The following NT5C2 variants were observed in gnomAD, a reference collection of about 807,000 sequenced individuals.
The protein encoded by NT5C2 is 5'-nucleotidase, cytosolic II, also known as cytosolic purine 5'-nucleotidase.
In NT5C2, 58 loss-of-function variants were observed where a neutral mutation model predicts 76.1. That is an observed-to-expected ratio of 0.76 (90% CI 0.62 to 0.95). The LOEUF (loss-of-function observed/expected upper bound fraction) is 0.95, where lower values mean the gene tolerates loss of function less well. Among genes scored for constraint, NT5C2 ranks in the 40% least tolerant of loss-of-function variants. The probability of loss-of-function intolerance (pLI) is 0.00; values close to 1 mark genes in which losing one functional copy is unlikely to be tolerated. For synonymous variants in NT5C2, 229 were observed against 237.4 expected (o/e 0.96, Z 0.32); for missense variants, 478 against 690.3 (o/e 0.69, Z 3.45).
intron 3 of NT5C2, among the ~76,000 whole-genome samples, chr10:103,159,105 T>C (rs1396360467): frequency 6.6e-6 from 1 of 152,134 alleles, no homozygotes; most frequent in Non-Finnish European, 1.5e-5. Flanking sequence ...CAGTAGCAGA[T>C]GCTTGTAGTT....
chr10:103,132,615 G>A (rs976082413), intron 4 of NT5C2, among the ~76,000 whole-genome samples: 39 of 151,722 alleles, frequency 2.6e-4, no homozygotes, highest in African/African-American at 2.2e-4. Context: ...GCGCGATCTC[G>A]GCTCACTGTA....
In NT5C2 at chr10:103,118,410, G is replaced by A. The variant is rs139888635; in HGVS notation, c.176-11704C>T. ...CTCATTCTGTAGCCCAGGCTGAAGT[G>A]CAGTGGCACAATCTCAGCTCACTGC... On this transcript the variant is annotated intron_variant, in intron 4 of 18. Coordinates refer to ENST00000404739, the MANE Select transcript of NT5C2 (RefSeq NM_001351169.2). Among the ~76,000 whole-genome samples the A allele has an allele frequency of 4.6e-3, 678 of 146,626 alleles. 4 individuals carry two copies. Among genetic ancestry groups the A allele is most frequent in the African/African-American group, 0.016 (651 of 39,574 alleles).
chr10:103,127,050 T>C (rs1267962992), intron 4 of NT5C2, among the ~76,000 whole-genome samples: 1 of 152,198 alleles, frequency 6.6e-6, no homozygotes, highest in Non-Finnish European at 1.5e-5. Context: ...CTTCAAGCAA[T>C]CCACCTGCCT....
chr10:103,092,312 AATT>A (rs1313803976), intron 15 of NT5C2, among the ~76,000 whole-genome samples: 1 of 152,144 alleles, frequency 6.6e-6, no homozygotes, highest in African/African-American at 2.4e-5. Context: ...TAATAGTAAT[AATT>A]TTCTGTGTTT....
At chr10:103,093,816 C>A in intron 14 of NT5C2, 156 bp downstream of exon 14, 1 of 591,272 alleles carries the variant, frequency 1.7e-6, no homozygotes, top group South Asian at 2.3e-5. Flanking sequence ...CAAACCCAGA[C>A]TCCTATTGCA....
intron 4 of NT5C2, among the ~76,000 whole-genome samples, chr10:103,113,195 T>C (rs186456708): frequency 6.6e-6 from 1 of 152,162 alleles, no homozygotes; most frequent in African/African-American, 2.4e-5. Context: ...TGTAAATAAG[T>C]AAAGTGGAGT....
intron 1 of NT5C2, among the ~76,000 whole-genome samples, chr10:103,183,113 T>C (rs1254488391): frequency 6.6e-6 from 1 of 151,956 alleles, no homozygotes; most frequent in South Asian, 2.1e-4. Flanking sequence ...GCTGAAAAAC[T>C]AAATCCTCAT....
intron 4 of NT5C2, among the ~76,000 whole-genome samples, chr10:103,114,653 T>C (rs781662936): frequency 2.0e-5 from 3 of 152,172 alleles, no homozygotes; most frequent in Non-Finnish European, 4.4e-5. Flanking sequence ...ACTTAATGAA[T>C]TGGAAATCTA....
chr10:103,171,335 T>G (rs2087934318), intron 3 of NT5C2, among the ~76,000 whole-genome samples: 1 of 152,248 alleles, frequency 6.6e-6, no homozygotes, highest in South Asian at 2.1e-4. Flanking sequence ...GACTTAGCTT[T>G]CCTATACAGA....
At chr10:103,091,537 T>C (rs1242945826) in intron 16 of NT5C2, 27 bp downstream of exon 16, 2 of 1,574,514 alleles carry the variant, frequency 1.3e-6, no homozygotes, top group Admixed American at 3.4e-5. Flanking sequence ...AGTAAGTTTT[T>C]GGGAAAGAAA....
At chr10:103,094,142 C>T in intron 13 of NT5C2, 104 bp from the exon 14 acceptor site, 1 of 636,934 alleles carries the variant, frequency 1.6e-6, no homozygotes, top group Non-Finnish European at 2.6e-6. Context: ...TGCTACTTGG[C>T]CAGACAGCCA....
At chr10:103,179,229 G>A (rs2090642462) in intron 2 of NT5C2, among the ~76,000 whole-genome samples, 1 of 152,016 alleles carries the variant, frequency 6.6e-6, no homozygotes, top group African/African-American at 2.4e-5. Flanking sequence ...TTACAGGTGT[G>A]AGCCACTGTG....
At chr10:103,147,161 C>T (rs1441142939) in intron 3 of NT5C2, among the ~76,000 whole-genome samples, 1 of 152,172 alleles carries the variant, frequency 6.6e-6, no homozygotes, top group African/African-American at 2.4e-5. Context: ...AAGCACTGTC[C>T]TAAAACCCTG....
intron 3 of NT5C2, chr10:103,153,504 A>C (rs2082762851): frequency 3.0e-6 from 3 of 985,214 alleles, no homozygotes; most frequent in Non-Finnish European, 3.6e-6. Context: ...TTGAAAACTT[A>C]AGAATAATTT....
intron 4 of NT5C2, among the ~76,000 whole-genome samples, chr10:103,138,351 T>C (rs1591361001): frequency 1.3e-5 from 2 of 152,322 alleles, no homozygotes; most frequent in East Asian, 1.9e-4. Flanking sequence ...CCATGGTGGT[T>C]TGCTGCACCT....
intron 6 of NT5C2, among the ~76,000 whole-genome samples, chr10:103,102,294 T>C (rs1590806962): frequency 6.6e-6 from 1 of 152,146 alleles, no homozygotes; most frequent in South Asian, 2.1e-4. Context: ...CTTGCAGCAC[T>C]TGGAACCATG....
chr10:103,100,644 G>A (rs774430168), intron 8 of NT5C2: 54 of 468,162 alleles, frequency 1.2e-4, no homozygotes, highest in Non-Finnish European at 2.1e-4. Context: ...TGCCTGGCCT[G>A]GGAATGAAAT....
intron 1 of NT5C2, among the ~76,000 whole-genome samples, chr10:103,187,781 T>TA (rs2092220854): frequency 6.6e-6 from 1 of 152,162 alleles, no homozygotes; most frequent in African/African-American, 2.4e-5. Flanking sequence ...TAGATTCTAA[T>TA]ATGACTGCTA....
At chr10:103,161,152 G>A (rs1302625239) in intron 3 of NT5C2, among the ~76,000 whole-genome samples, 1 of 152,120 alleles carries the variant, frequency 6.6e-6, no homozygotes, top group African/African-American at 2.4e-5. Flanking sequence ...CAGATGAATG[G>A]AAAAACAAAA....
Sources: allele counts gnomAD v4.1 joint callset (sites outside exome capture counted in the v4.1 genomes callset), GRCh38; gene constraint gnomAD v4.1.1; transcripts MANE v1.5; gene names NCBI Gene and HGNC (gene_info 2026-07-23, HGNC 2026-07-21).